The following STAT4 variants were observed in gnomAD, a reference collection of about 807,000 sequenced individuals.
The protein encoded by STAT4 is signal transducer and activator of transcription 4.
In STAT4, 42 loss-of-function variants were observed where a neutral mutation model predicts 110.5. The observed-to-expected ratio is 0.38, with a 90% CI of 0.30 to 0.49. The LOEUF (loss-of-function observed/expected upper bound fraction) is 0.49. Among genes scored for constraint, STAT4 ranks in the 20% least tolerant of loss-of-function variants. The probability of loss-of-function intolerance (pLI) is 0.95; values close to 1 mark genes in which losing one functional copy is unlikely to be tolerated. For missense variants in STAT4, 632 were observed against 887.9 expected (o/e 0.71, Z 3.66); for synonymous variants, 284 against 302.2 (o/e 0.94, Z 0.63).
chr2:191,109,598 G>A (rs1241266737), intron 3 of STAT4, among the ~76,000 whole-genome samples: 1 of 152,216 alleles, frequency 6.6e-6, no homozygotes, highest in Non-Finnish European at 1.5e-5. Context: ...GGCTGACCTG[G>A]AACTCAAACC....
chr2:191,081,231 G>A (rs546202840), intron 3 of STAT4, among the ~76,000 whole-genome samples: 4 of 152,134 alleles, frequency 2.6e-5, no homozygotes, highest in South Asian at 4.2e-4. Context: ...TTTCTTTATC[G>A]AGTCTATCAT....
chr2:191,054,628 A>G (rs11676659), intron 13 of STAT4, 94 bp from the exon 14 acceptor site: 66,756 of 1,069,678 alleles, frequency 0.062, 2,525 homozygotes, highest in South Asian at 0.1. Flanking sequence ...TCTTGGCCAC[A>G]GTTTTGACTT....
intron 14 of STAT4, among the ~76,000 whole-genome samples, chr2:191,048,640 G>A (rs1696421166): frequency 6.6e-6 from 1 of 150,982 alleles, no homozygotes; most frequent in Non-Finnish European, 1.5e-5. Flanking sequence ...CAAACAATTA[G>A]CTGGGCATGG....
chr2:191,102,711 A>G (rs1574157241), intron 3 of STAT4, among the ~76,000 whole-genome samples: 2 of 152,204 alleles, frequency 1.3e-5, no homozygotes, highest in Non-Finnish European at 2.9e-5. Context: ...CCATGTCAAG[A>G]TAAGGCATTG....
rs1699298492 is a variant in STAT4, at chr2:191,140,695, G to T, written c.273+5918C>A. 6.6e-6 allele frequency among the ~76,000 whole-genome samples: 1 copy of T among 152,096 alleles called. No homozygotes were observed. The highest frequency in any genetic ancestry group is 2.4e-5 in the African/African-American group (1 of 41,428). On this transcript the variant is annotated intron_variant, in intron 3 of 23. Transcript: ENST00000392320. The surrounding 1 kb of genome is among the most constrained non-coding windows in gnomAD (Gnocchi z 4.4). ...GAAAACAGTATGGAGATTCCTCAAA[G>T]AAAAGCAGAACTGCTATTTAATCCA...
chr2:191,128,768 G>A (rs1698952933), intron 3 of STAT4, among the ~76,000 whole-genome samples: 1 of 152,182 alleles, frequency 6.6e-6, no homozygotes, highest in East Asian at 1.9e-4. Flanking sequence ...GAAAAATACT[G>A]TATAGGCAGT....
intron 2 of STAT4, 52 bp downstream of exon 2, chr2:191,148,024 G>T: frequency 6.2e-7 from 1 of 1,609,808 alleles, no homozygotes. Context: ...CACATGGATA[G>T]AGCATCAGAC....
rs540972091 is a variant in STAT4 at position 191,104,710 on chromosome 2, T to G, written c.274-28385A>C. ...TGAAAGGATATATATTGTCAAAGAA[T>G]AAAGAATGATCCTTTTTAAGTGAAT... On this transcript the variant is annotated intron_variant, in intron 3 of 23. Transcript: ENST00000392320. This position sits in a 1 kb window ranked among gnomAD's most constrained non-coding sequence, Gnocchi z 4.3. 1.3e-5 allele frequency among the ~76,000 whole-genome samples: 2 copies of G among 152,196 alleles called. No homozygotes were observed. The highest frequency in any genetic ancestry group is 6.5e-5 in the Admixed American group (1 of 15,274).
At chr2:191,132,755 CTT>C (rs56028616) in intron 3 of STAT4, among the ~76,000 whole-genome samples, 96 of 135,290 alleles carry the variant, frequency 7.1e-4, no homozygotes, top group South Asian at 7.0e-4. Context: ...TAATGGTTTT[CTT>C]TTTTTTTTTT....
chr2:191,036,288 G>T lies in STAT4; in HGVS notation c.1446C>A (p.Phe482Leu). The T allele has an allele frequency of 6.2e-7, 1 of 1,613,974 alleles. No individual in the cohort carries two copies. Among genetic ancestry groups the T allele is most frequent in the Non-Finnish European group, 8.5e-7 (1 of 1,179,976 alleles). ...ATGTGGCAGGTGGAGGATTATTAAAGAAAACCAAGTTCTGAAATAGAGTCA... is the reference window on the plus strand; with the variant it reads ...ATGTGGCAGGTGGAGGATTATTAAATAAAACCAAGTTCTGAAATAGAGTCA... ...VSTNDSQNLV[F>L]FNNPPPATLS... Residue 482 changes from phenylalanine (F) to leucine (L), a missense_variant, in exon 17 of 24, where the codon TTC becomes TTA. Phe to Leu is a conservative substitution (Grantham distance 22). Transcript: ENST00000392320.
intron 3 of STAT4, among the ~76,000 whole-genome samples, chr2:191,139,958 C>T (rs962871664): frequency 2.0e-5 from 3 of 152,148 alleles, no homozygotes; most frequent in African/African-American, 7.2e-5. Context: ...CAAATATTTA[C>T]AGCCAACTGA....
chr2:191,102,404 G>T (rs1185280308), intron 3 of STAT4, among the ~76,000 whole-genome samples: 1 of 151,996 alleles, frequency 6.6e-6, no homozygotes, highest in South Asian at 2.1e-4. Context: ...TTATATAGTT[G>T]TTCATGCTTA....
At position 191,146,843 on chromosome 2, in the gene STAT4, C is replaced by A. The variant is rs1034625866; in HGVS notation, c.129-86G>T. On this transcript the variant is annotated intron_variant, in intron 2 of 23. Transcript: ENST00000392320. The surrounding 1 kb of genome is among the most constrained non-coding windows in gnomAD (Gnocchi z 4.5). ...ACCATACTAACTTTAAAACAATAAA[C>A]CTATTACATGGTGATAAGCATTTAA... 2 of 1,283,112 alleles carry A rather than the reference C, an allele frequency of 1.6e-6. No individual in the cohort carries two copies. Among genetic ancestry groups the A allele is most frequent in the South Asian group, 2.1e-5 (1 of 48,620 alleles). 79.5% of individuals were successfully genotyped at this position (1,283,112 alleles called of 1,614,324 possible).
intron 3 of STAT4, among the ~76,000 whole-genome samples, chr2:191,132,765 T>G (rs1699070936): frequency 3.3e-5 from 5 of 150,446 alleles, no homozygotes; most frequent in Admixed American, 2.0e-4. Flanking sequence ...CTTTTTTTTT[T>G]TTTTTTGGAG....
rs757616901 is a variant in STAT4, at chr2:191,042,008, C to G, written c.1252-860G>C. ...AGTTTACGGTTAAGCCCATGCTTGC[C>G]CCTTCTCCGACATCTAGAGCCAGGC... is the stretch of plus-strand genomic sequence containing the variant. On this transcript the variant is annotated intron_variant, in intron 14 of 23. Transcript: ENST00000392320. This position sits in a 1 kb window ranked among gnomAD's most constrained non-coding sequence, Gnocchi z 4.2. 4.6e-5 allele frequency among the ~76,000 whole-genome samples: 7 copies of G among 152,176 alleles called. No individual in the cohort carries two copies. The highest frequency in any genetic ancestry group is 1.0e-4 in the Non-Finnish European group (7 of 68,026).
chr2:191,058,895 A>G lies in STAT4; in HGVS notation c.1035-126T>C. The G allele has an allele frequency of 1.7e-6, 1 of 583,518 alleles. No individual in the cohort carries two copies. The highest frequency in any genetic ancestry group is 2.4e-5 in the South Asian group (1 of 40,950). The allele number at this position is 583,518 out of a possible 1,614,324, so 36.1% of individuals were successfully genotyped here. ...TATAAATAAACCTTACATTATCTAC[A>G]GTTATATGTTAGTGTGTTTTAAAAA... On this transcript the variant is annotated intron_variant, in intron 10 of 23. Transcript: ENST00000392320. This position sits in a 1 kb window ranked among gnomAD's most constrained non-coding sequence, Gnocchi z 4.3.
Position 191,069,723 on chromosome 2 carries a change from C to A in STAT4, c.514G>T (p.Asp172Tyr). Reference protein sequence around the residue: ...KYLEDLQDEFDYRYKTIQTMD... With the variant: ...KYLEDLQDEFYYRYKTIQTMD... ...GTCTGAATTGTTTTATACCTGTAGT[C>A]AAATTCGTCTTGCAGATCTTCTAAG... is the stretch of plus-strand genomic sequence containing the variant. The change falls in exon 6 of 24, where the codon GAC becomes TAC. Residue 172 changes from aspartate (D) to tyrosine (Y), a missense_variant. Asp to Tyr is a radical substitution (Grantham distance 160). Coordinates refer to ENST00000392320, the MANE Select transcript of STAT4 (RefSeq NM_003151.4). 6.2e-7 allele frequency: 1 copy of A among 1,609,774 alleles called. No homozygotes were observed. Among genetic ancestry groups the A allele is most frequent in the Non-Finnish European group, 8.5e-7 (1 of 1,178,530 alleles).
intron 3 of STAT4, among the ~76,000 whole-genome samples, chr2:191,120,911 A>G (rs973611996): frequency 6.6e-6 from 1 of 152,168 alleles, no homozygotes; most frequent in African/African-American, 2.4e-5. Flanking sequence ...AAAAGCCAAA[A>G]TTGACAAATG....
rs1233307097 is a variant in STAT4, at chr2:191,091,823, T to C, written c.274-15498A>G. Among the ~76,000 whole-genome samples, 1 of 152,164 alleles carries C rather than the reference T, an allele frequency of 6.6e-6. No individual in the cohort carries two copies. Among genetic ancestry groups the C allele is most frequent in the East Asian group, 1.9e-4 (1 of 5,198 alleles). On this transcript the variant is annotated intron_variant, in intron 3 of 23. Coordinates refer to ENST00000392320, the MANE Select transcript of STAT4 (RefSeq NM_003151.4). This position sits in a 1 kb window ranked among gnomAD's most constrained non-coding sequence, Gnocchi z 5.4. ...CGGTATTCACTTTGACTCCAGAGTG[T>C]TGACTTACTTTTAACCAATTAACCA...
Sources: allele counts gnomAD v4.1 joint callset (sites outside exome capture counted in the v4.1 genomes callset), GRCh38; gene constraint gnomAD v4.1.1; non-coding constraint Gnocchi (gnomAD v3.1); transcripts MANE v1.5; gene names NCBI Gene and HGNC (gene_info 2026-07-23, HGNC 2026-07-21).